LHFPL2: variants seen among roughly 807,000 people sequenced by gnomAD.
The protein encoded by LHFPL2 is LHFPL tetraspan subfamily member 2 protein.
Under a neutral mutation model 17.5 loss-of-function variants are expected in LHFPL2, and 7 were observed. The ratio of observed to expected loss-of-function variants is 0.40; its 90% confidence interval spans 0.23 to 0.75. The LOEUF (loss-of-function observed/expected upper bound fraction) is 0.75. Among genes scored for constraint, LHFPL2 ranks in the 30% least tolerant of loss-of-function variants. The pLI is 0.37. For missense variants in LHFPL2, 241 were observed against 294.8 expected (o/e 0.82, Z 1.34); for synonymous variants, 134 against 116.2 (o/e 1.15, Z -0.99).
chr5:78,509,401 C>T (rs1755031927), intron 4 of LHFPL2, among the ~76,000 whole-genome samples: 1 of 152,212 alleles, frequency 6.6e-6, no homozygotes, highest in Non-Finnish European at 1.5e-5. Context: ...GTGCTTGCTG[C>T]AGGTGGGACT....
chr5:78,582,825 A>C (rs1440230963), intron 2 of LHFPL2, among the ~76,000 whole-genome samples: 1 of 152,066 alleles, frequency 6.6e-6, no homozygotes, highest in Non-Finnish European at 1.5e-5. Flanking sequence ...AGCTGAGTTC[A>C]ATTCCTGGGT....
chr5:78,574,077 A>G (rs757400079), intron 2 of LHFPL2, among the ~76,000 whole-genome samples: 14 of 152,208 alleles, frequency 9.2e-5, no homozygotes, highest in Admixed American at 3.9e-4. Flanking sequence ...TCTTCTCCCA[A>G]TTCCCAAAGA....
chr5:78,590,822 C>G (rs1743600977), intron 2 of LHFPL2, among the ~76,000 whole-genome samples: 2 of 152,190 alleles, frequency 1.3e-5, no homozygotes, highest in African/African-American at 2.4e-5. Context: ...AAGATGTTCT[C>G]TAAATGGATA....
chr5:78,587,577 T>C (rs536274935), intron 2 of LHFPL2, among the ~76,000 whole-genome samples: 1 of 152,370 alleles, frequency 6.6e-6, no homozygotes, highest in East Asian at 1.9e-4. Flanking sequence ...TCTGCTCTTC[T>C]GCAGCCTTTG....
At chr5:78,503,383 C>G (rs1380012197) in intron 4 of LHFPL2, among the ~76,000 whole-genome samples, 3 of 152,208 alleles carry the variant, frequency 2.0e-5, no homozygotes, top group Non-Finnish European at 4.4e-5. Context: ...TCCAGACTTT[C>G]CAACTCATTC....
chr5:78,572,241 A>G (rs1335506664), intron 2 of LHFPL2, among the ~76,000 whole-genome samples: 1 of 151,762 alleles, frequency 6.6e-6, no homozygotes, highest in Non-Finnish European at 1.5e-5. Context: ...TGAAAGAGTG[A>G]GATTACCCCC....
intron 1 of LHFPL2, among the ~76,000 whole-genome samples, chr5:78,632,785 A>G (rs1745299673): frequency 2.0e-5 from 3 of 152,192 alleles, no homozygotes. Context: ...TAGGAGCTGA[A>G]GGGAGGAAAA....
In LHFPL2 at chr5:78,488,825, G is replaced by GACTC. The variant is rs1361358707; in HGVS notation, c.*68_*71dup. On this transcript the variant is annotated 3_prime_UTR_variant, in exon 5 of 5. Coordinates refer to ENST00000380345, the MANE Select transcript of LHFPL2 (RefSeq NM_005779.3). ...GTAGGTAAAGGTTAGTTCTCCACTT[G>GACTC]ACTCAAATGATGAAACTGTGGACTG... 2.6e-6 allele frequency: 4 copies of GACTC among 1,551,096 alleles called. No homozygotes were observed. The highest frequency in any genetic ancestry group is 3.5e-6 in the Non-Finnish European group (4 of 1,140,400).
intron 2 of LHFPL2, among the ~76,000 whole-genome samples, chr5:78,576,268 C>A (rs1444608128): frequency 6.7e-6 from 1 of 150,170 alleles, no homozygotes; most frequent in African/African-American, 2.5e-5. Flanking sequence ...GCACTCCAGC[C>A]TGGGCAACAG....
At chr5:78,597,801 T>C (rs575778352) in intron 2 of LHFPL2, among the ~76,000 whole-genome samples, 1 of 152,304 alleles carries the variant, frequency 6.6e-6, no homozygotes, top group African/African-American at 2.4e-5. Context: ...ACTCAAGCTA[T>C]TTGTGATGGA....
At chr5:78,585,532 G>A (rs556794378) in intron 2 of LHFPL2, among the ~76,000 whole-genome samples, 12 of 152,164 alleles carry the variant, frequency 7.9e-5, no homozygotes, top group African/African-American at 2.2e-4. Flanking sequence ...AGATGAACCC[G>A]GTACCTCAGA....
At chr5:78,637,288 G>C (rs1745485395) in intron 1 of LHFPL2, among the ~76,000 whole-genome samples, 1 of 151,858 alleles carries the variant, frequency 6.6e-6, no homozygotes, top group African/African-American at 2.4e-5. Context: ...AGGGTATGTG[G>C]GAAAATGCAG....
intron 2 of LHFPL2, among the ~76,000 whole-genome samples, chr5:78,606,280 GGT>G (rs1175454713): frequency 6.6e-6 from 1 of 152,164 alleles, no homozygotes; most frequent in East Asian, 1.9e-4. Context: ...GCGACCATCT[GGT>G]TTCAGATGAG....
chr5:78,597,349 G>C (rs1486749967), intron 2 of LHFPL2, among the ~76,000 whole-genome samples: 1 of 152,108 alleles, frequency 6.6e-6, no homozygotes. Context: ...CCCAACCCCA[G>C]AGTTTTTTCC....
chr5:78,644,643 G>A, intron 1 of LHFPL2: 1 of 336,676 alleles, frequency 3.0e-6, no homozygotes, highest in South Asian at 3.8e-5. Flanking sequence ...TTTCATAATG[G>A]GTCTTGTCCA....
At chr5:78,494,984 T>C (rs1169843437) in intron 4 of LHFPL2, among the ~76,000 whole-genome samples, 1 of 152,162 alleles carries the variant, frequency 6.6e-6, no homozygotes, top group African/African-American at 2.4e-5. Context: ...CAGTCACAAA[T>C]TTATGTCTTA....
chr5:78,501,844 TAA>T (rs375824660), intron 4 of LHFPL2, among the ~76,000 whole-genome samples: 63 of 152,302 alleles, frequency 4.1e-4, no homozygotes, highest in African/African-American at 1.4e-3. Context: ...TTCCTGGCAA[TAA>T]AAGAGTTTTT....
At chr5:78,597,352 T>G (rs563086909) in intron 2 of LHFPL2, among the ~76,000 whole-genome samples, 126 of 152,246 alleles carry the variant, frequency 8.3e-4, no homozygotes, top group Non-Finnish European at 1.5e-3. Context: ...AACCCCAGAG[T>G]TTTTTCCACT....
intron 1 of LHFPL2, among the ~76,000 whole-genome samples, chr5:78,635,727 C>G (rs182925016): frequency 6.6e-6 from 1 of 152,072 alleles, no homozygotes; most frequent in African/African-American, 2.4e-5. Context: ...GGTGTGAACC[C>G]GGGAGGCAGA....
Sources: allele counts gnomAD v4.1 joint callset (sites outside exome capture counted in the v4.1 genomes callset), GRCh38; gene constraint gnomAD v4.1.1; transcripts MANE v1.5; gene names NCBI Gene and HGNC (gene_info 2026-07-23, HGNC 2026-07-21).